RYR3: variants seen among roughly 807,000 people sequenced by gnomAD.
RYR3 encodes the protein brain ryanodine receptor-calcium release channel.
RYR3 carries 207 observed loss-of-function variants against 584.3 expected under a neutral mutation model. The observed-to-expected ratio is 0.35, with a 90% CI of 0.32 to 0.40. The LOEUF (loss-of-function observed/expected upper bound fraction) is 0.40. Among genes scored for constraint, RYR3 ranks in the 10% least tolerant of loss-of-function variants. The pLI, the probability that RYR3 is intolerant of heterozygous loss-of-function variation, is 1.00. For synonymous variants in RYR3, 2,416 were observed against 2,248.5 expected, an observed-to-expected ratio of 1.07 and a Z score of -2.11; for missense variants, 5,616 against 6,089.2, an observed-to-expected ratio of 0.92 and a Z score of 2.59.
At chr15:33,622,232 C>G (rs1222475795) in intron 19 of RYR3, among the ~76,000 whole-genome samples, 1 of 152,188 alleles carries the variant, frequency 6.6e-6, no homozygotes, top group Non-Finnish European at 1.5e-5. Flanking sequence ...ATAGACCCTG[C>G]CTGATACAGC....
Position 33,780,297 on chromosome 15 carries a change from A to G in RYR3, c.9224A>G (p.Asn3075Ser). The G allele has an allele frequency of 1.2e-6, 2 of 1,613,858 alleles. No homozygotes were observed. The highest frequency in any genetic ancestry group is 2.2e-5 in the East Asian group (1 of 44,864). The part of the protein sequence containing the change: ...AFLEPTLNRY[N>S]PLSVFNTKTP... ...CTGGAGCCCACCCTTAATCGCTACA[A>G]TCCACTCTCGGTCTTCAACACCAAA... Residue 3075 changes from asparagine (N) to serine (S), a missense_variant, in exon 65 of 104, where the codon AAT (asparagine) becomes AGT (serine). Around this residue, in one of 9 missense-constraint regions of RYR3, gnomAD observed 954 missense variants for 1,132.2 expected, o/e 0.84. Transcript: ENST00000634891.
In RYR3 at chr15:33,826,250, A is replaced by G. The variant is rs1405591769; in HGVS notation, c.11147-2A>G. The stretch of plus-strand genomic sequence containing the variant: ...ATTCTTCTGTTTTTCTCTCATTACC[A>G]GTCATTGTTCGGGAACGTGGTAAGT... On this transcript the variant is annotated splice_acceptor_variant, in intron 82 of 103. Transcript: ENST00000634891. LOFTEE classifies it high-confidence loss of function. The G allele has an allele frequency of 6.2e-7, 1 of 1,613,588 alleles. No homozygotes were observed. Among genetic ancestry groups the G allele is most frequent in the Admixed American group, 1.7e-5 (1 of 60,020 alleles).
chr15:33,788,581 A>G (rs935980264), intron 67 of RYR3, 123 bp downstream of exon 67: 1 of 1,067,900 alleles, frequency 9.4e-7, no homozygotes, highest in Non-Finnish European at 1.3e-6. Context: ...AGCCGCCCCC[A>G]CCATTCTCCT....
In RYR3 at chr15:33,812,951, A is replaced by G. The variant is rs756934182; in HGVS notation, c.10346A>G (p.Glu3449Gly). Residue 3449 changes from glutamate (E) to glycine (G), a missense_variant, in exon 73 of 104, where the codon GAG becomes GGG. This residue lies in a region of RYR3 where 954 missense variants were observed against 1,132.2 expected (regional missense o/e 0.84). Transcript: ENST00000634891. ...EEPFNPEKTV[E>G]RVQRISAAVF... The stretch of plus-strand genomic sequence containing the variant: ...CCTTTCAATCCGGAAAAGACAGTGG[A>G]GCGTGTGCAGAGAATTTCAGCAGCT... 4.0e-5 allele frequency: 64 copies of G among 1,613,906 alleles called. No homozygotes were observed. The highest frequency in any genetic ancestry group is 5.3e-5 in the Non-Finnish European group (62 of 1,179,886).
intron 67 of RYR3, 134 bp downstream of exon 67, chr15:33,788,592 T>A: frequency 1.1e-6 from 1 of 947,546 alleles, no homozygotes; most frequent in Non-Finnish European, 1.5e-6. Context: ...CCATTCTCCT[T>A]CCCAACACCA....
chr15:33,746,548 T>C (rs965575830), intron 53 of RYR3, among the ~76,000 whole-genome samples: 1 of 151,986 alleles, frequency 6.6e-6, no homozygotes, highest in Non-Finnish European at 1.5e-5. Flanking sequence ...CCTGTAATCC[T>C]AGCACTTTGG....
chr15:33,800,236 T>G (rs924283468), intron 67 of RYR3, among the ~76,000 whole-genome samples: 2 of 152,194 alleles, frequency 1.3e-5, no homozygotes, highest in Admixed American at 1.3e-4. Flanking sequence ...AAAAACATAT[T>G]ATCTTACAAA....
At chr15:33,701,157 G>A (rs2280418) in intron 42 of RYR3, 77 bp downstream of exon 42, 147,961 of 875,388 alleles carry the variant, frequency 0.17, 13,354 homozygotes, top group Middle Eastern at 0.22. Context: ...AGCAGACCAC[G>A]GATGGAGTCT....
chr15:33,354,244 C>T (rs1218445852), intron 1 of RYR3, among the ~76,000 whole-genome samples: 1 of 152,180 alleles, frequency 6.6e-6, no homozygotes, highest in African/African-American at 2.4e-5. Context: ...GCAGCATCTA[C>T]CAAGAAACCA....
intron 19 of RYR3, among the ~76,000 whole-genome samples, chr15:33,617,411 C>CAAAA (rs200334863): frequency 7.0e-6 from 1 of 143,340 alleles, no homozygotes; most frequent in African/African-American, 2.6e-5. Flanking sequence ...GACTCTGACT[C>CAAAA]AAAAAAAAAA....
chr15:33,327,983 G>A (rs1311668043), intron 1 of RYR3, among the ~76,000 whole-genome samples: 1 of 152,136 alleles, frequency 6.6e-6, no homozygotes, highest in Non-Finnish European at 1.5e-5. Context: ...ACCTCTAATG[G>A]GAATGACTTG....
chr15:33,735,818 C>A (rs8037593), intron 48 of RYR3, among the ~76,000 whole-genome samples: 2,667 of 152,122 alleles, frequency 0.018, 77 homozygotes, highest in African/African-American at 0.061. Flanking sequence ...CTCTTCAAAT[C>A]GCACCAGTAG....
At chr15:33,822,110 T>C (rs1209225452) in intron 80 of RYR3, among the ~76,000 whole-genome samples, 1 of 152,062 alleles carries the variant, frequency 6.6e-6, no homozygotes, top group Non-Finnish European at 1.5e-5. Flanking sequence ...ATAATACAAA[T>C]AAAAACTCCT....
At chr15:33,864,219 T>TCTTTC (rs750285234) in intron 103 of RYR3, 30 bp downstream of exon 103, 2 of 1,557,564 alleles carry the variant, frequency 1.3e-6, no homozygotes, top group African/African-American at 2.7e-5. Flanking sequence ...ATACCCGTGT[T>TCTTTC]AGATCTCCCT....
In RYR3 at chr15:33,586,071, C is replaced by T. The variant is rs762956231; in HGVS notation, c.1743C>T (p.Ile581=). The part of the protein sequence containing the change: ...EALNLIAEGH[I]KSIISLLDKH... Reference sequence around the variant, plus strand: ...TAAATCTGATAGCGGAGGGCCACATCAAGTCGATCATCTCCCTGTTGGATA... The same window carrying T: ...TAAATCTGATAGCGGAGGGCCACATTAAGTCGATCATCTCCCTGTTGGATA... Residue 581 remains isoleucine, a synonymous_variant, in exon 16 of 104, where the codon ATC becomes ATT. Coordinates refer to ENST00000634891, the MANE Select transcript of RYR3 (RefSeq NM_001036.6). 1.3e-4 allele frequency: 202 copies of T among 1,613,372 alleles called. No homozygotes were observed. Among genetic ancestry groups the T allele is most frequent in the Middle Eastern group, 1.2e-3 (7 of 6,078 alleles).
In RYR3 at chr15:33,730,906, T is replaced by C. The variant is rs151279410; in HGVS notation, c.7204-568T>C. Among the ~76,000 whole-genome samples the C allele has an allele frequency of 3.0e-4, 46 of 152,360 alleles. 1 individual carries two copies. The highest frequency in any genetic ancestry group is 1.0e-3 in the African/African-American group (42 of 41,584). On this transcript the variant is annotated intron_variant, in intron 47 of 103. Transcript: ENST00000634891. ...AGTGGGGTCTACTCTAATGTCAGTA[T>C]TGATTGTGAATTGCTCGAAGTGCTC...
At chr15:33,378,826 A>G (rs545707373) in intron 1 of RYR3, among the ~76,000 whole-genome samples, 44 of 152,292 alleles carry the variant, frequency 2.9e-4, no homozygotes, top group African/African-American at 9.9e-4. Context: ...TCAGCCAGGC[A>G]TAGCTGTGTG....
intron 102 of RYR3, among the ~76,000 whole-genome samples, chr15:33,862,447 T>G (rs1373932964): frequency 1.3e-5 from 2 of 152,042 alleles, no homozygotes; most frequent in East Asian, 3.9e-4. Context: ...GCTCAAGCTA[T>G]CCACCCACCT....
Position 33,859,193 on chromosome 15 carries a change from G to C in RYR3, c.14143-382G>C, listed in dbSNP as rs1019623341. On this transcript the variant is annotated intron_variant, in intron 99 of 103. Coordinates refer to ENST00000634891, the MANE Select transcript of RYR3 (RefSeq NM_001036.6). ...GTAAGGGGAATGTGGATGAAGAAGA[G>C]GGGGGACCTTTTTGCAGTTTATAGC... The C allele has an allele frequency of 3.4e-5, 6 of 175,576 alleles. No homozygotes were observed. In the South Asian group the frequency reaches 6.8e-4, roughly 20 times the overall value. 10.9% of individuals were successfully genotyped at this position (175,576 alleles called of 1,614,324 possible).
Sources: gnomAD v4.1 joint callset for allele counts (sites outside exome capture counted in the v4.1 genomes callset) on GRCh38, gnomAD v4.1.1 for gene constraint, gnomAD v4.1.1 regional missense constraint, MANE v1.5 for transcripts, NCBI Gene and HGNC (gene_info 2026-07-23, HGNC 2026-07-21) for gene names.